TOR3A: variants seen among roughly 807,000 people sequenced by gnomAD.
The protein encoded by TOR3A is torsin family 3 member A.
In TOR3A, 44 loss-of-function variants were observed where a neutral mutation model predicts 42.1. The ratio of observed to expected loss-of-function variants is 1.04; its 90% CI spans 0.82 to 1.34. The LOEUF (loss-of-function observed/expected upper bound fraction) is 1.34. Ranked by LOEUF, TOR3A falls within the 40% of genes most tolerant of loss-of-function variation. The pLI is 0.00. For missense variants in TOR3A, 521 were observed against 507.6 expected (o/e 1.03, Z -0.25); for synonymous variants, 227 against 213.2 (o/e 1.06, Z -0.57).
intron 3 of TOR3A, 92 bp from the exon 4 acceptor site, chr1:179,087,819 G>T (rs1413246166): frequency 2.4e-6 from 3 of 1,263,400 alleles, no homozygotes; most frequent in East Asian, 2.6e-5. Context: ...GCCCCAGGGG[G>T]TCCATTGCAC....
In TOR3A at chr1:179,082,992, G is replaced by A. The variant is rs149563285; in HGVS notation, c.312G>A (p.Trp104Ter). The A allele has an allele frequency of 8.0e-5, 127 of 1,589,960 alleles. No individual in the cohort carries two copies. Among genetic ancestry groups the A allele is most frequent in the Non-Finnish European group, 9.8e-5 (115 of 1,169,022 alleles). ...GGTACCTGGACCTCCTGACCACGTG[G>A]TACTGCAGCTTCAAAGACTGCTGCC... ...GQRYLDLLTT[W>*]YCSFKDCCPR... Residue 104 changes from tryptophan (W) to a stop codon, truncating the protein, a stop_gained, in exon 2 of 6, where the codon TGG becomes TGA. Coordinates refer to ENST00000367627, the MANE Select transcript of TOR3A (RefSeq NM_022371.4). LOFTEE classifies it high-confidence loss of function.
intron 3 of TOR3A, among the ~76,000 whole-genome samples, chr1:179,086,359 C>G (rs1209675534): frequency 2.0e-5 from 3 of 152,184 alleles, no homozygotes; most frequent in Non-Finnish European, 4.4e-5. Context: ...TATATCCTGC[C>G]TTTTTAAAAT....
At chr1:179,088,731 G>A (rs955224536) in intron 4 of TOR3A, among the ~76,000 whole-genome samples, 1 of 152,224 alleles carries the variant, frequency 6.6e-6, no homozygotes, top group African/African-American at 2.4e-5. Context: ...ACTGCACTGA[G>A]GTTCCTGTGC....
intron 4 of TOR3A, among the ~76,000 whole-genome samples, chr1:179,093,843 C>A (rs530768931): frequency 7.2e-5 from 11 of 152,302 alleles, no homozygotes; most frequent in Admixed American, 7.2e-4. Flanking sequence ...ATGCTCCCTG[C>A]ACTTAGCACA....
rs1652715100 is a variant in TOR3A, at chr1:179,095,415, A to C, written c.*197A>C. The C allele has an allele frequency of 2.0e-5, 27 of 1,355,442 alleles. No homozygotes were observed. The highest frequency in any genetic ancestry group is 6.3e-5 in the Admixed American group (2 of 31,844). 84.0% of individuals were successfully genotyped at this position (1,355,442 alleles called of 1,614,324 possible). ...AGCCAATCCTTTTTCTTTTTTTTGG[A>C]GGTCCCACCGAGATAGATAGGAACT... is the stretch of plus-strand genomic sequence containing the variant. On this transcript the variant is annotated 3_prime_UTR_variant, in exon 6 of 6. Transcript: ENST00000367627.
At chr1:179,084,337 T>G (rs1652373941) in intron 2 of TOR3A, among the ~76,000 whole-genome samples, 1 of 152,120 alleles carries the variant, frequency 6.6e-6, no homozygotes. Context: ...AGCGATTCTC[T>G]TCCCTCAGCC....
chr1:179,085,744 T>G lies in TOR3A; in HGVS notation c.490T>G (p.Ser164Ala). 1 of 1,614,216 alleles carries G rather than the reference T, an allele frequency of 6.2e-7. No homozygotes were observed. The highest frequency in any genetic ancestry group is 2.2e-5 in the East Asian group (1 of 44,884). ...TPQPEKALAL[S>A]FHGWSGTGKN... ...CCAGCCAGAAAAGGCCCTTGCTCTG[T>G]CGTTCCACGGCTGGTCTGGCACAGG... The change falls in exon 3 of 6, where the codon TCG becomes GCG. Residue 164 changes from serine (S) to alanine (A), a missense_variant. Transcript: ENST00000367627.
Position 179,094,208 on chromosome 1 carries a change from G to GA in TOR3A, c.935dup (p.Thr313AspfsTer18). 6.2e-7 allele frequency: 1 copy of GA among 1,613,366 alleles called. No individual in the cohort carries two copies. On this transcript the variant is annotated frameshift_variant, in exon 5 of 6. Transcript: ENST00000367627. LOFTEE classifies it high-confidence loss of function. The stretch of plus-strand genomic sequence containing the variant: ...GCCCCACCTCCAGGCGGAGATTGTG[G>GA]AGACCATAGGTGAGTAACTGACTCA...
At chr1:179,093,194 G>A (rs1230240327) in intron 4 of TOR3A, among the ~76,000 whole-genome samples, 1 of 152,128 alleles carries the variant, frequency 6.6e-6, no homozygotes, top group African/African-American at 2.4e-5. Flanking sequence ...CTCTGTCCCA[G>A]CTTCCCTGCT....
At chr1:179,091,721 G>T (rs1652587053) in intron 4 of TOR3A, 1 of 152,458 alleles carries the variant, frequency 6.6e-6, no homozygotes, top group African/African-American at 2.4e-5. Context: ...GGGTGAGGGA[G>T]TATCACTCTG....
At chr1:179,087,447 C>G (rs1652462136) in intron 3 of TOR3A, among the ~76,000 whole-genome samples, 1 of 152,226 alleles carries the variant, frequency 6.6e-6, no homozygotes, top group Non-Finnish European at 1.5e-5. Flanking sequence ...GAAAGCTCAA[C>G]TCCTATCCAC....
At position 179,084,466 on chromosome 1, in the gene TOR3A, C is replaced by T. The variant is rs139604423; in HGVS notation, c.374-1162C>T. ...GTCTCGAACTCCTGACCTCGTGATC[C>T]GCCCGCCTCAGCCTCCCCAAGTGCT... On this transcript the variant is annotated intron_variant, in intron 2 of 5. Coordinates refer to ENST00000367627, the MANE Select transcript of TOR3A (RefSeq NM_022371.4). Among the ~76,000 whole-genome samples the T allele has an allele frequency of 5.9e-3, 905 of 152,200 alleles. 9 individuals carry two copies. The highest frequency in any genetic ancestry group is 0.02 in the African/African-American group (819 of 41,540).
intron 4 of TOR3A, among the ~76,000 whole-genome samples, chr1:179,090,637 G>A (rs1652555033): frequency 6.6e-6 from 1 of 152,196 alleles, no homozygotes; most frequent in Non-Finnish European, 1.5e-5. Context: ...GAGAGGAGGT[G>A]GGAGCTGAAG....
rs1250875066 is a variant in TOR3A at position 179,095,865 on chromosome 1, T to C, written c.*647T>C. 9.1e-6 allele frequency: 9 copies of C among 984,586 alleles called. No homozygotes were observed. The highest frequency in any genetic ancestry group is 1.1e-5 in the Non-Finnish European group (9 of 830,402). 61.0% of individuals were successfully genotyped at this position (984,586 alleles called of 1,614,324 possible). A position where few individuals can be genotyped will look rare whatever the true frequency, so the allele number is the denominator to read the frequency against. The stretch of plus-strand genomic sequence containing the variant: ...AGAGGAAGATATTTTACAAACCAGG[T>C]CAGTGTAGGCCAAGACTTATGGTCT... On this transcript the variant is annotated 3_prime_UTR_variant, in exon 6 of 6. Transcript: ENST00000367627.
In TOR3A at chr1:179,095,363, A is replaced by G. The variant is rs887350542; in HGVS notation, c.*145A>G. 9 of 1,503,358 alleles carry G rather than the reference A, an allele frequency of 6.0e-6. No individual in the cohort carries two copies. Among genetic ancestry groups the G allele is most frequent in the Non-Finnish European group, 3.5e-6 (4 of 1,135,292 alleles). 93.1% of individuals were successfully genotyped at this position (1,503,358 alleles called of 1,614,324 possible). A position where few individuals can be genotyped will look rare whatever the true frequency, so the allele number is the denominator to read the frequency against. The stretch of plus-strand genomic sequence containing the variant: ...ACTAACAAACACACAACTGGTGTGT[A>G]AAAGGCAGGCCTTACATTAGAAGCC... On this transcript the variant is annotated 3_prime_UTR_variant, in exon 6 of 6. Transcript: ENST00000367627.
chr1:179,089,354 C>A (rs575307583), intron 4 of TOR3A, among the ~76,000 whole-genome samples: 1 of 150,752 alleles, frequency 6.6e-6, no homozygotes, highest in East Asian at 1.9e-4. Context: ...CAGGTTTAAG[C>A]CGTTGCTGGG....
chr1:179,082,579 C>G, intron 1 of TOR3A, 192 bp downstream of exon 1: 1 of 862,488 alleles, frequency 1.2e-6, no homozygotes, highest in Non-Finnish European at 1.8e-6. Context: ...TTGCCCCACC[C>G]GCGTCCCCTG....
In TOR3A at chr1:179,092,179, C is replaced by G. The variant is rs147128018; in HGVS notation, c.819-1914C>G. On this transcript the variant is annotated intron_variant, in intron 4 of 5. Coordinates refer to ENST00000367627, the MANE Select transcript of TOR3A (RefSeq NM_022371.4). ...CGCCTGCCCAGCCTTAGCCTCTACGCAATGGTGGAGGCAGGGAGGGAGAGA... is the reference window on the plus strand; with the variant it reads ...CGCCTGCCCAGCCTTAGCCTCTACGGAATGGTGGAGGCAGGGAGGGAGAGA... Among the ~76,000 whole-genome samples, 371 of 152,354 alleles carry G rather than the reference C, an allele frequency of 2.4e-3. 5 individuals carry two copies. The highest frequency in any genetic ancestry group is 8.7e-3 in the African/African-American group (361 of 41,588).
chr1:179,082,208 C>T lies in TOR3A; in HGVS notation c.80C>T (p.Ser27Phe). 2 of 1,509,108 alleles carry T rather than the reference C, an allele frequency of 1.3e-6. No homozygotes were observed. The highest frequency in any genetic ancestry group is 1.8e-6 in the Non-Finnish European group (2 of 1,137,340). The allele number at this position is 1,509,108 out of a possible 1,614,324, so 93.5% of individuals were successfully genotyped here. A position where few individuals can be genotyped will look rare whatever the true frequency, so the allele number is the denominator to read the frequency against. ...GGCGCGCCTGAGCCCCGCGGCGCCTCCAGGCCGTGGGAGGGAACCGACGAG... is the reference window on the plus strand; with the variant it reads ...GGCGCGCCTGAGCCCCGCGGCGCCTTCAGGCCGTGGGAGGGAACCGACGAG... ...LPGAPEPRGA[S>F]RPWEGTDEPG... The change falls in exon 1 of 6, where the codon TCC becomes TTC. Residue 27 changes from serine to phenylalanine, a missense_variant. Ser to Phe is a radical substitution (Grantham distance 155, BLOSUM62 -2). Coordinates refer to ENST00000367627, the MANE Select transcript of TOR3A (RefSeq NM_022371.4).
Sources: allele counts gnomAD v4.1 joint callset (sites outside exome capture counted in the v4.1 genomes callset), GRCh38; gene constraint gnomAD v4.1.1; transcripts MANE v1.5; gene names NCBI Gene and HGNC (gene_info 2026-07-23, HGNC 2026-07-21).